The following CEP164 variants were observed in gnomAD, a reference collection of about 807,000 sequenced individuals.
CEP164 encodes the protein centrosomal protein 164.
A neutral mutation model predicts 182.7 loss-of-function variants in CEP164; 162 were observed. That is an observed-to-expected ratio of 0.89 (90% CI 0.78 to 1.01). CEP164 has a LOEUF of 1.01. Among genes scored for constraint, CEP164 ranks in the 50% least tolerant of loss-of-function variants. The pLI is 0.00. For missense variants in CEP164, 1,735 were observed against 1,790.4 expected (o/e 0.97, Z 0.56); for synonymous variants, 661 against 690.0 (o/e 0.96, Z 0.66).
chr11:117,373,890 A>C, intron 10 of CEP164, 59 bp downstream of exon 10: 6 of 1,466,224 alleles, frequency 4.1e-6, no homozygotes, highest in Non-Finnish European at 5.7e-6. Context: ...GTGAGCCTCC[A>C]GGGTTAAGTA....
chr11:117,379,533 A>G (rs369152808), intron 11 of CEP164, among the ~76,000 whole-genome samples: 1 of 151,840 alleles, frequency 6.6e-6, no homozygotes, highest in South Asian at 2.1e-4. Context: ...TTTGTTTTTT[A>G]CCTTAGGCTG....
chr11:117,350,789 T>C (rs1477473380), intron 4 of CEP164, among the ~76,000 whole-genome samples: 1 of 151,446 alleles, frequency 6.6e-6, no homozygotes, highest in East Asian at 1.9e-4. Context: ...TTTCTTTTTC[T>C]TTTTTTTTCT....
intron 2 of CEP164, among the ~76,000 whole-genome samples, chr11:117,337,329 A>G (rs534881123): frequency 2.0e-5 from 3 of 151,982 alleles, no homozygotes; most frequent in African/African-American, 7.2e-5. Flanking sequence ...TTTTAATCCT[A>G]TCAGGCCATT....
intron 4 of CEP164, 146 bp from the exon 5 acceptor site, chr11:117,351,644 C>A (rs2039636365): frequency 1.3e-5 from 9 of 684,956 alleles, no homozygotes; most frequent in Non-Finnish European, 1.7e-5. Context: ...CTCTTAACCC[C>A]TCTCATTCCA....
intron 5 of CEP164, among the ~76,000 whole-genome samples, chr11:117,354,105 C>T (rs2040017451): frequency 6.6e-6 from 1 of 151,804 alleles, no homozygotes; most frequent in Non-Finnish European, 1.5e-5. Context: ...CAACCTCCGC[C>T]CCCTGGGTTC....
intron 27 of CEP164, among the ~76,000 whole-genome samples, chr11:117,401,488 C>A (rs1592443528): frequency 6.6e-6 from 1 of 152,194 alleles, no homozygotes; most frequent in African/African-American, 2.4e-5. Context: ...ATGATGCTGG[C>A]TTCATAAAAT....
At chr11:117,393,234 G>A (rs1409951650) in intron 20 of CEP164, 108 bp downstream of exon 20, 9 of 1,456,212 alleles carry the variant, frequency 6.2e-6, no homozygotes, top group East Asian at 2.7e-5. Context: ...CACACACCCC[G>A]GGGTCCTTCC....
intron 27 of CEP164, among the ~76,000 whole-genome samples, chr11:117,403,420 C>A (rs1184514485): frequency 3.3e-5 from 5 of 152,220 alleles, no homozygotes; most frequent in African/African-American, 1.2e-4. Flanking sequence ...TTCTGCTTCA[C>A]TTATGAAGCT....
chr11:117,394,828 TG>T lies in CEP164; in HGVS notation c.2761-90del. The T allele has an allele frequency of 8.1e-7, 1 of 1,236,132 alleles. No homozygotes were observed. 76.6% of individuals were successfully genotyped at this position (1,236,132 alleles called of 1,614,324 possible). On this transcript the variant is annotated intron_variant, in intron 21 of 32. Coordinates refer to ENST00000278935, the MANE Select transcript of CEP164 (RefSeq NM_014956.5). The surrounding 1 kb of genome is among the most constrained non-coding windows in gnomAD (Gnocchi z 4.0). ...AAGCCTGAGCCCAGAGTGGAGGTTGTGGTGTGGCATGGTGGGTTCTGGAACC... is the reference window on the plus strand; with the variant it reads ...AAGCCTGAGCCCAGAGTGGAGGTTGTGTGTGGCATGGTGGGTTCTGGAACC...
intron 3 of CEP164, among the ~76,000 whole-genome samples, chr11:117,340,602 A>G (rs2037962563): frequency 6.6e-6 from 1 of 152,132 alleles, no homozygotes. Flanking sequence ...TGGCTCCATC[A>G]TAGCTCACTG....
intron 3 of CEP164, among the ~76,000 whole-genome samples, chr11:117,339,240 C>T (rs1344013957): frequency 1.3e-5 from 2 of 152,108 alleles, no homozygotes; most frequent in African/African-American, 4.8e-5. Flanking sequence ...GTATATGACC[C>T]ACAAAGGGTA....
At position 117,408,072 on chromosome 11, in the gene CEP164, T is replaced by A. The variant is rs112853765; in HGVS notation, c.3609+40T>A. The stretch of plus-strand genomic sequence containing the variant: ...CCACATAGTCCAGTGGGCCCTGGCC[T>A]TCCTCTTCTGTTCTTGGGATTGGGT... On this transcript the variant is annotated intron_variant, in intron 28 of 32. Coordinates refer to ENST00000278935, the MANE Select transcript of CEP164 (RefSeq NM_014956.5). 7.7e-5 allele frequency: 112 copies of A among 1,446,046 alleles called. 1 individual carries two copies. In the African/African-American group the frequency reaches 1.1e-3, roughly 14 times the overall value. 89.6% of individuals were successfully genotyped at this position (1,446,046 alleles called of 1,614,324 possible).
chr11:117,410,714 C>T, intron 30 of CEP164, 114 bp from the exon 31 acceptor site: 4 of 762,066 alleles, frequency 5.2e-6, no homozygotes, highest in Non-Finnish European at 8.8e-6. Flanking sequence ...CTGTCTCTGG[C>T]CTCCAGCCAC....
At chr11:117,342,217 A>G (rs935101802) in intron 3 of CEP164, among the ~76,000 whole-genome samples, 2 of 152,206 alleles carry the variant, frequency 1.3e-5, no homozygotes, top group African/African-American at 4.8e-5. Context: ...GCACTCAAAA[A>G]TATTTGTGAA....
chr11:117,377,158 A>C (rs2042836756), intron 11 of CEP164, among the ~76,000 whole-genome samples: 1 of 148,488 alleles, frequency 6.7e-6, no homozygotes, highest in Non-Finnish European at 1.5e-5. Context: ...TTTTGGCATC[A>C]GGGACCAGTT....
rs1344104404 is a variant in CEP164, at chr11:117,409,747, T to C, written c.3878T>C (p.Leu1293Pro). ...CTCAACCCTCAGTCGCCGCCGCCGC[T>C]CCTCGCCTCCATGCCAGCCCAGCTC... ...DSLNPQSPPP[L>P]LASMPAQLPP... Residue 1293 changes from leucine to proline, a missense_variant, in exon 30 of 33, where the codon CTC (leucine) becomes CCC (proline). Coordinates refer to ENST00000278935, the MANE Select transcript of CEP164 (RefSeq NM_014956.5). This position sits in a 1 kb window ranked among gnomAD's most constrained non-coding sequence, Gnocchi z 4.4. 1 of 1,613,762 alleles carries C rather than the reference T, an allele frequency of 6.2e-7. No individual in the cohort carries two copies. Among genetic ancestry groups the C allele is most frequent in the Non-Finnish European group, 8.5e-7 (1 of 1,179,892 alleles).
At chr11:117,332,372 C>T (rs763040739) in intron 1 of CEP164, among the ~76,000 whole-genome samples, 2 of 151,964 alleles carry the variant, frequency 1.3e-5, no homozygotes, top group African/African-American at 4.8e-5. Flanking sequence ...GATAGGAGGT[C>T]GAGACCAGCC....
chr11:117,334,054 C>T (rs2036640139), intron 1 of CEP164, among the ~76,000 whole-genome samples: 1 of 152,210 alleles, frequency 6.6e-6, no homozygotes, highest in African/African-American at 2.4e-5. Flanking sequence ...AGGCTTATTT[C>T]CTTCAGAGCA....
intron 1 of CEP164, among the ~76,000 whole-genome samples, chr11:117,330,032 T>A (rs1461683922): frequency 6.6e-6 from 1 of 152,012 alleles, no homozygotes; most frequent in East Asian, 1.9e-4. Flanking sequence ...GCACCCACCT[T>A]ATGATTTTCT....
Sources: gnomAD v4.1 joint callset for allele counts (sites outside exome capture counted in the v4.1 genomes callset) on GRCh38, gnomAD v4.1.1 for gene constraint, Gnocchi (gnomAD v3.1) non-coding constraint, MANE v1.5 for transcripts, NCBI Gene and HGNC (gene_info 2026-07-23, HGNC 2026-07-21) for gene names.